Variants in EIF4E3 observed in about 807,000 individuals in gnomAD.
The protein encoded by EIF4E3 is eukaryotic translation initiation factor 4E type 3.
EIF4E3 carries 26 observed loss-of-function variants against 31.7 expected under a neutral mutation model. That is an observed-to-expected ratio of 0.82 (90% CI 0.60 to 1.14). EIF4E3 has a LOEUF of 1.14. Ranked by LOEUF, EIF4E3 falls within the 50% of genes most tolerant of loss-of-function variation. The pLI, the probability that EIF4E3 is intolerant of heterozygous loss-of-function variation, is 0.00. For missense variants in EIF4E3, 304 were observed against 270.9 expected (o/e 1.12, Z -0.86); for synonymous variants, 128 against 107.7 (o/e 1.19, Z -1.17).
At chr3:71,726,273 C>T (rs2049637753), upstream of EIF4E3, among the ~76,000 whole-genome samples, 2 of 152,184 alleles carry the variant, frequency 1.3e-5, no homozygotes, top group South Asian at 4.1e-4. Context: ...ACCGGCGAGT[C>T]GGGAGGAGGA....
rs763554441 is a variant in EIF4E3 at position 71,696,522 on chromosome 3, T to C, written c.345-2A>G. 2 of 1,614,172 alleles carry C rather than the reference T, an allele frequency of 1.2e-6. No individual in the cohort carries two copies. Among genetic ancestry groups the C allele is most frequent in the South Asian group, 1.1e-5 (1 of 91,078 alleles). ...CCCTTTGCATTACTCTCCTCTTCCCTGGGCCAAAGACCAACGTTTAAAGTT... is the reference window on the plus strand; with the variant it reads ...CCCTTTGCATTACTCTCCTCTTCCCCGGGCCAAAGACCAACGTTTAAAGTT... On this transcript the variant is annotated splice_acceptor_variant, in intron 3 of 6. Transcript: ENST00000425534. LOFTEE classifies it high-confidence loss of function.
downstream of EIF4E3, among the ~76,000 whole-genome samples, chr3:71,671,635 C>T (rs991443351): frequency 6.6e-6 from 1 of 152,122 alleles, no homozygotes; most frequent in African/African-American, 2.4e-5. Flanking sequence ...AACCATCCCT[C>T]GCCTCATTCC....
Position 71,679,165 on chromosome 3 carries a change from G to A in EIF4E3, c.*5517C>T, listed in dbSNP as rs1209625281. 6.6e-6 allele frequency: 1 copy of A among 152,068 alleles called. No homozygotes were observed. The allele number at this position is 152,068 out of a possible 1,614,324, so 9.4% of individuals were successfully genotyped here. ...TCCTTTAATATTCACCATTCATCAT[G>A]TAATGTAAAGTGCTAAAATTAAAAT... On this transcript the variant is annotated 3_prime_UTR_variant, in exon 7 of 7. Coordinates refer to ENST00000425534, the MANE Select transcript of EIF4E3 (RefSeq NM_001134651.2).
At chr3:71,727,738 G>T (rs1039997922), upstream of EIF4E3, among the ~76,000 whole-genome samples, 3 of 152,212 alleles carry the variant, frequency 2.0e-5, no homozygotes, top group African/African-American at 7.2e-5. Context: ...ACACATATCT[G>T]TATAAAATTC....
intron 3 of EIF4E3, among the ~76,000 whole-genome samples, chr3:71,697,782 C>T (rs1339534965): frequency 2.0e-5 from 3 of 152,112 alleles, no homozygotes; most frequent in Non-Finnish European, 2.9e-5. Context: ...CCATGGTGTA[C>T]ATGTACCATA....
chr3:71,700,002 A>G (rs937754849), intron 2 of EIF4E3, among the ~76,000 whole-genome samples: 4 of 152,096 alleles, frequency 2.6e-5, no homozygotes, highest in Non-Finnish European at 5.9e-5. Context: ...GCAAGATCCC[A>G]TCTCTACAAA....
chr3:71,674,402 C>T (rs60030126), downstream of EIF4E3, among the ~76,000 whole-genome samples: 1 of 151,918 alleles, frequency 6.6e-6, no homozygotes, highest in Admixed American at 6.6e-5. Flanking sequence ...CCACTGCGCC[C>T]GACCCTGAAC....
In EIF4E3 at chr3:71,725,228, AC is replaced by A; in HGVS notation, c.139del (p.Val47SerfsTer27). On this transcript the variant is annotated frameshift_variant, in exon 1 of 7. Coordinates refer to ENST00000425534, the MANE Select transcript of EIF4E3 (RefSeq NM_001134651.2). LOFTEE classifies it high-confidence loss of function. This position sits in a 1 kb window ranked among gnomAD's most constrained non-coding sequence, Gnocchi z 6.1. ...LSALQPEPGG[V>X]PLHSSWTFWL... The stretch of plus-strand genomic sequence containing the variant: ...GAAGGTCCAGGACGAGTGCAGCGGG[AC>A]CCCGCCCGGCTCAGGCTGCAGCGCC... The A allele has an allele frequency of 8.8e-7, 1 of 1,132,314 alleles. No individual in the cohort carries two copies. Among genetic ancestry groups the A allele is most frequent in the Non-Finnish European group, 1.1e-6 (1 of 918,836 alleles). The allele number at this position is 1,132,314 out of a possible 1,614,324, so 70.1% of individuals were successfully genotyped here.
rs1389613449 is a variant in EIF4E3 at position 71,725,313 on chromosome 3, A to ACCCCGGCGGCTCCCGGG, written c.38_54dup (p.Ser19ProfsTer61). ...GCGGCGGCAGCGGCGGCGGCGCGGGACCCCGGCGGCTCCCGGGCCCCGGCG... is the reference window on the plus strand; with the variant it reads ...GCGGCGGCAGCGGCGGCGGCGCGGGACCCCGGCGGCTCCCGGGCCCCGGCGGCTCCCGGGCCCCGGCG... On this transcript the variant is annotated frameshift_variant, in exon 1 of 7. Coordinates refer to ENST00000425534, the MANE Select transcript of EIF4E3 (RefSeq NM_001134651.2). LOFTEE classifies it high-confidence loss of function. The surrounding 1 kb of genome is among the most constrained non-coding windows in gnomAD (Gnocchi z 6.1). 1.0e-6 allele frequency: 1 copy of ACCCCGGCGGCTCCCGGG among 974,268 alleles called. No homozygotes were observed. The highest frequency in any genetic ancestry group is 1.2e-6 in the Non-Finnish European group (1 of 821,752). The allele number at this position is 974,268 out of a possible 1,614,324, so 60.4% of individuals were successfully genotyped here.
upstream of EIF4E3, among the ~76,000 whole-genome samples, chr3:71,726,481 T>C (rs989960257): frequency 1.3e-5 from 2 of 152,238 alleles, no homozygotes; most frequent in African/African-American, 2.4e-5. Flanking sequence ...ACAACCAGCA[T>C]GGACATCCTC....
At chr3:71,707,356 C>T (rs576059562) in intron 2 of EIF4E3, among the ~76,000 whole-genome samples, 27 of 152,312 alleles carry the variant, frequency 1.8e-4, no homozygotes, top group Admixed American at 1.7e-3. Context: ...CTAGCCCACA[C>T]CCTAGCCAGG....
intron 1 of EIF4E3, among the ~76,000 whole-genome samples, chr3:71,747,098 G>A (rs2049881715): frequency 6.6e-6 from 1 of 152,176 alleles, no homozygotes; most frequent in Admixed American, 6.5e-5. Flanking sequence ...ACATTTACAT[G>A]TGGGCTTTCA....
chr3:71,690,522 C>A (rs1473505602), intron 5 of EIF4E3, among the ~76,000 whole-genome samples: 1 of 152,186 alleles, frequency 6.6e-6, no homozygotes, highest in Admixed American at 6.5e-5. Context: ...ATTCCCTGCC[C>A]TCTGAAAGCC....
intron 1 of EIF4E3, among the ~76,000 whole-genome samples, chr3:71,733,881 T>C (rs1212783093): frequency 3.9e-5 from 6 of 152,018 alleles, no homozygotes; most frequent in African/African-American, 1.4e-4. Flanking sequence ...ATTTGTTTTC[T>C]AAAAAAAATC....
At chr3:71,750,979 G>C (rs1251776675) in intron 1 of EIF4E3, among the ~76,000 whole-genome samples, 1 of 151,934 alleles carries the variant, frequency 6.6e-6, no homozygotes, top group Non-Finnish European at 1.5e-5. Context: ...AGCCAGGATA[G>C]TCTCGATCTC....
At chr3:71,673,714 CTAAAT>C, downstream of EIF4E3, among the ~76,000 whole-genome samples, 1 of 151,848 alleles carries the variant, frequency 6.6e-6, no homozygotes, top group South Asian at 2.1e-4. Flanking sequence ...TACCAATCCA[CTAAAT>C]TGTCAGCTCC....
At chr3:71,753,920 G>C, upstream of EIF4E3, 1 of 989,338 alleles carries the variant, frequency 1.0e-6, no homozygotes, top group South Asian at 4.6e-5. Context: ...GGCCGGGAGC[G>C]GGCTGAGCCC....
intron 2 of EIF4E3, among the ~76,000 whole-genome samples, chr3:71,703,594 C>T (rs903833797): frequency 3.9e-5 from 6 of 152,164 alleles, no homozygotes; most frequent in African/African-American, 1.4e-4. Context: ...ATTGGAGCAA[C>T]TATGCCCCAC....
At chr3:71,754,191 A>T (rs1346401676), upstream of EIF4E3, 7 of 1,422,902 alleles carry the variant, frequency 4.9e-6, no homozygotes, top group African/African-American at 1.5e-5. The surrounding 1 kb of genome is among the most constrained non-coding windows in gnomAD (Gnocchi z 5.8). Context: ...GCGGGAGCGC[A>T]GCCTGCACCG....
Sources: gnomAD v4.1 joint callset for allele counts (sites outside exome capture counted in the v4.1 genomes callset) on GRCh38, gnomAD v4.1.1 for gene constraint, Gnocchi (gnomAD v3.1) non-coding constraint, MANE v1.5 for transcripts, NCBI Gene and HGNC (gene_info 2026-07-23, HGNC 2026-07-21) for gene names.